Variants in SHC2 observed in about 807,000 individuals in gnomAD.
The protein encoded by SHC2 is SHC adaptor protein 2.
Under a neutral mutation model 60.6 loss-of-function variants are expected in SHC2, and 62 were observed. The ratio of observed to expected loss-of-function variants is 1.02; its 90% CI spans 0.83 to 1.26. The LOEUF is 1.26. Among genes scored for constraint, SHC2 ranks in the 50% most tolerant of loss-of-function variants. The pLI is 0.00. For missense variants in SHC2, 873 were observed against 822.2 expected (o/e 1.06, Z -0.76); for synonymous variants, 375 against 372.4 (o/e 1.01, Z -0.08).
rs764297973 is a variant in SHC2 at position 425,281 on chromosome 19, G to T, written c.1175-50C>A. The T allele has an allele frequency of 7.7e-7, 1 of 1,299,642 alleles. No homozygotes were observed. The allele number at this position is 1,299,642 out of a possible 1,614,324, so 80.5% of individuals were successfully genotyped here. A position where few individuals can be genotyped will look rare whatever the true frequency, so the allele number is the denominator to read the frequency against. ...GGGTCAGCTGGGAGCCAGGCGAGGGGCTCGCAGGGAGCAAGGCGGGGTCCC... is the reference window on the plus strand; with the variant it reads ...GGGTCAGCTGGGAGCCAGGCGAGGGTCTCGCAGGGAGCAAGGCGGGGTCCC... On this transcript the variant is annotated intron_variant, in intron 9 of 12. Transcript: ENST00000264554. The surrounding 1 kb of genome is among the most constrained non-coding windows in gnomAD (Gnocchi z 4.1).
intron 4 of SHC2, among the ~76,000 whole-genome samples, chr19:437,321 T>TGCTCATCTGCGTGCTTGTTTGCGA (rs1974750423): frequency 1.3e-5 from 2 of 151,586 alleles, no homozygotes; most frequent in African/African-American, 4.8e-5. Context: ...CTCATCTGCA[T>TGCTCATCTGCGTGCTTGTTTGCGA]GCTCATCTGC....
Position 441,237 on chromosome 19 carries a change from T to C in SHC2, c.469-305A>G, listed in dbSNP as rs1376644522. On this transcript the variant is annotated intron_variant, in intron 1 of 12. Coordinates refer to ENST00000264554, the MANE Select transcript of SHC2 (RefSeq NM_012435.3). This position sits in a 1 kb window ranked among gnomAD's most constrained non-coding sequence, Gnocchi z 4.9. Reference sequence around the variant, plus strand: ...CGTCTTGCCCTCGTCGGTCTCTTTCTGTTCCACCAGCACCGAAGCCGAGGA... The same window carrying C: ...CGTCTTGCCCTCGTCGGTCTCTTTCCGTTCCACCAGCACCGAAGCCGAGGA... 1 of 896,856 alleles carries C rather than the reference T, an allele frequency of 1.1e-6. No individual in the cohort carries two copies. Among genetic ancestry groups the C allele is most frequent in the African/African-American group, 1.8e-5 (1 of 54,220 alleles). The allele number at this position is 896,856 out of a possible 1,614,324, so 55.6% of individuals were successfully genotyped here. A position where few individuals can be genotyped will look rare whatever the true frequency, so the allele number is the denominator to read the frequency against.
At chr19:428,543 C>T (rs1237649334) in intron 9 of SHC2, among the ~76,000 whole-genome samples, 1 of 152,186 alleles carries the variant, frequency 6.6e-6, no homozygotes, top group Non-Finnish European at 1.5e-5. Context: ...CACACCCTAT[C>T]TGCAAAAACA....
intron 12 of SHC2, among the ~76,000 whole-genome samples, chr19:417,975 C>T (rs1974191624): frequency 1.3e-5 from 2 of 152,152 alleles, no homozygotes; most frequent in Admixed American, 1.3e-4. Flanking sequence ...CCTGCCGGCC[C>T]TCCCTCCTCC....
rs971187627 is a variant in SHC2 at position 440,197 on chromosome 19, G to A, written c.539+665C>T. On this transcript the variant is annotated intron_variant, in intron 2 of 12. Coordinates refer to ENST00000264554, the MANE Select transcript of SHC2 (RefSeq NM_012435.3). This position sits in a 1 kb window ranked among gnomAD's most constrained non-coding sequence, Gnocchi z 7.0. ...ATCCACAGAGACAGGGAGGGGATGC[G>A]TGGGTGCCGGGGCTGGGGAGGGGAC... Among the ~76,000 whole-genome samples, 4 of 151,720 alleles carry A rather than the reference G, an allele frequency of 2.6e-5. No homozygotes were observed. The highest frequency in any genetic ancestry group is 4.9e-5 in the African/African-American group (2 of 41,234).
intron 10 of SHC2, among the ~76,000 whole-genome samples, chr19:423,873 G>A (rs1974343718): frequency 1.3e-5 from 2 of 152,228 alleles, no homozygotes; most frequent in South Asian, 4.1e-4. Flanking sequence ...TGGTCACCCT[G>A]AGGGACAGCC....
At chr19:427,620 C>A (rs1974453371) in intron 9 of SHC2, among the ~76,000 whole-genome samples, 1 of 87,868 alleles carries the variant, frequency 1.1e-5, no homozygotes, top group Middle Eastern at 8.5e-3. Flanking sequence ...GAATTGCGCA[C>A]GGCACAGGTA....
rs999707414 is a variant in SHC2, at chr19:440,264, A to G, written c.539+598T>C. Among the ~76,000 whole-genome samples, 2 of 151,910 alleles carry G rather than the reference A, an allele frequency of 1.3e-5. No homozygotes were observed. The highest frequency in any genetic ancestry group is 2.9e-5 in the Non-Finnish European group (2 of 67,958). On this transcript the variant is annotated intron_variant, in intron 2 of 12. Coordinates refer to ENST00000264554, the MANE Select transcript of SHC2 (RefSeq NM_012435.3). This position sits in a 1 kb window ranked among gnomAD's most constrained non-coding sequence, Gnocchi z 7.0. ...GGGGACGGGGTGTTTTGATGGGGTA[A>G]TGAGAATGTTCGGAACTAGACAGTG... is the stretch of plus-strand genomic sequence containing the variant.
At chr19:421,397 C>CAAAAA (rs10582067) in intron 11 of SHC2, among the ~76,000 whole-genome samples, 59 of 119,416 alleles carry the variant, frequency 4.9e-4, no homozygotes, top group Non-Finnish European at 6.9e-4. Flanking sequence ...GAGACTCCAT[C>CAAAAA]AAAAAAAAAA....
At chr19:418,369 TCGGGCACATATCCACCCA>T (rs1568278892) in intron 12 of SHC2, among the ~76,000 whole-genome samples, 2 of 152,216 alleles carry the variant, frequency 1.3e-5, no homozygotes, top group African/African-American at 4.8e-5. Flanking sequence ...GCTGCCACCC[TCGGGCACATATCCACCCA>T]CGGGCAGTGA....
intron 1 of SHC2, among the ~76,000 whole-genome samples, chr19:456,153 G>A (rs1239150205): frequency 2.0e-5 from 3 of 152,214 alleles, no homozygotes; most frequent in East Asian, 3.9e-4. Flanking sequence ...CCTCCAGTGT[G>A]GAAGAGCCCT....
At chr19:444,896 C>T (rs1432030847) in intron 1 of SHC2, among the ~76,000 whole-genome samples, 1 of 152,230 alleles carries the variant, frequency 6.6e-6, no homozygotes, top group Non-Finnish European at 1.5e-5. Context: ...CCATGGGCAG[C>T]AATGGCCCCT....
intron 7 of SHC2, among the ~76,000 whole-genome samples, chr19:435,403 C>G (rs186026137): frequency 2.6e-5 from 4 of 152,230 alleles, no homozygotes; most frequent in South Asian, 2.1e-4. Context: ...AGGCGAGGAG[C>G]CCGTCTCAGC....
At position 448,147 on chromosome 19, in the gene SHC2, G is replaced by A. The variant is rs143517271; in HGVS notation, c.469-7215C>T. Reference sequence around the variant, plus strand: ...CCGAGTCCCAATTCCACGAGTCCCCGCAGATCTTCCTCATTATAAGGGAAA... The same window carrying A: ...CCGAGTCCCAATTCCACGAGTCCCCACAGATCTTCCTCATTATAAGGGAAA... On this transcript the variant is annotated intron_variant, in intron 1 of 12. Transcript: ENST00000264554. Among the ~76,000 whole-genome samples, 362 of 152,336 alleles carry A rather than the reference G, an allele frequency of 2.4e-3. 3 individuals carry two copies. Among genetic ancestry groups the A allele is most frequent in the African/African-American group, 8.2e-3 (340 of 41,588 alleles).
chr19:425,158 G>A lies in SHC2; in HGVS notation c.1248C>T (p.Asn416=). 1 of 1,377,842 alleles carries A rather than the reference G, an allele frequency of 7.3e-7. No homozygotes were observed. Among genetic ancestry groups the A allele is most frequent in the Non-Finnish European group, 9.5e-7 (1 of 1,057,540 alleles). The allele number at this position is 1,377,842 out of a possible 1,614,324, so 85.4% of individuals were successfully genotyped here. ...GCTCGGGGGCGTCCAGACCCTGGGT[G>A]TTGACATACAGGTGCTCCTCGTGGT... The part of the protein sequence containing the change: ...PPDHEEHLYV[N]TQGLDAPEPE... Residue 416 remains asparagine (N), a synonymous_variant, in exon 10 of 13, where the codon AAC becomes AAT. Transcript: ENST00000264554. This position sits in a 1 kb window ranked among gnomAD's most constrained non-coding sequence, Gnocchi z 4.1.
chr19:444,915 A>G lies in SHC2; in HGVS notation c.469-3983T>C, dbSNP rs537993401. 1.5e-3 allele frequency among the ~76,000 whole-genome samples: 229 copies of G among 152,316 alleles called. 1 individual carries two copies. The highest frequency in any genetic ancestry group is 2.5e-3 in the Non-Finnish European group (169 of 68,006). ...GGGCAGCAATGGCCCCTCGGGAAAC[A>G]GGCCCGGGTGGGAGGGTGACTGACC... On this transcript the variant is annotated intron_variant, in intron 1 of 12. Transcript: ENST00000264554.
Position 430,696 on chromosome 19 carries a change from A to G in SHC2, c.1162T>C (p.Ser388Pro), listed in dbSNP as rs202066709. ...DACSLPWDVG[S>P]TGTAPPGDGY... is the part of the protein sequence containing the mutation. ...CAGCCCATCCTACCTGTACCGGTGG[A>G]CCCCACGTCCCATGGCAGGCTGCAG... The change falls in exon 9 of 13, where the codon TCC becomes CCC. Residue 388 changes from serine (S) to proline (P), a missense_variant. Physicochemically the swap from Ser to Pro is moderately conservative, Grantham distance 74. Coordinates refer to ENST00000264554, the MANE Select transcript of SHC2 (RefSeq NM_012435.3). 194 of 1,612,938 alleles carry G rather than the reference A, an allele frequency of 1.2e-4. No homozygotes were observed. In the East Asian group the frequency reaches 4.2e-3, roughly 35 times the overall value.
chr19:436,606 G>C, intron 5 of SHC2, 24 bp downstream of exon 5: 1 of 1,600,006 alleles, frequency 6.2e-7, no homozygotes, highest in South Asian at 1.1e-5. Flanking sequence ...AGGGCTGCAG[G>C]TCCACCCCCA....
In SHC2 at chr19:424,987, C is replaced by A; in HGVS notation, c.1309+110G>T. ...AAGGATCTCACGGGGAGAAGGGAGC[C>A]TCCCCCATCAGACCAGGGAATCCCG... On this transcript the variant is annotated intron_variant, in intron 10 of 12. Transcript: ENST00000264554. The surrounding 1 kb of genome is among the most constrained non-coding windows in gnomAD (Gnocchi z 4.5). The A allele has an allele frequency of 2.5e-6, 3 of 1,183,624 alleles. No homozygotes were observed. Among genetic ancestry groups the A allele is most frequent in the Non-Finnish European group, 3.3e-6 (3 of 903,058 alleles). 73.3% of individuals were successfully genotyped at this position (1,183,624 alleles called of 1,614,324 possible).
Sources: gnomAD v4.1 joint callset for allele counts (sites outside exome capture counted in the v4.1 genomes callset) on GRCh38, gnomAD v4.1.1 for gene constraint, Gnocchi (gnomAD v3.1) non-coding constraint, MANE v1.5 for transcripts, NCBI Gene and HGNC (gene_info 2026-07-23, HGNC 2026-07-21) for gene names.